Variants in RSRC1 observed in about 807,000 individuals in gnomAD.
RSRC1 encodes arginine and serine rich coiled-coil 1, also known as serine/Arginine-related protein 53.
RSRC1 carries 39 observed loss-of-function variants against 49.1 expected under a neutral mutation model. The ratio of observed to expected loss-of-function variants is 0.79; its 90% CI spans 0.61 to 1.04. The LOEUF (loss-of-function observed/expected upper bound fraction) is 1.04, where lower values mean the gene tolerates loss of function less well. RSRC1 is among the 50% of genes least tolerant of loss of function. RSRC1 has a pLI of 0.00. For synonymous variants in RSRC1, 143 were observed against 130.8 expected (o/e 1.09, Z -0.63); for missense variants, 388 against 402.4 (o/e 0.96, Z 0.31).
At chr3:158,387,351 T>C (rs906150411) in intron 6 of RSRC1, among the ~76,000 whole-genome samples, 8 of 152,194 alleles carry the variant, frequency 5.3e-5, no homozygotes, top group Admixed American at 3.9e-4. Context: ...GATCAAGCAA[T>C]TTGGGAACTT....
chr3:158,112,217 C>A (rs1275029830), intron 1 of RSRC1, among the ~76,000 whole-genome samples: 1 of 152,208 alleles, frequency 6.6e-6, no homozygotes, highest in Admixed American at 6.5e-5. Flanking sequence ...TTGCCCTTAT[C>A]AGAAAGAACT....
intron 4 of RSRC1, among the ~76,000 whole-genome samples, chr3:158,281,518 A>C (rs1286051188): frequency 6.6e-6 from 1 of 152,120 alleles, no homozygotes; most frequent in Non-Finnish European, 1.5e-5. Context: ...ATCCTTGGGG[A>C]GCTCTTACCT....
intron 5 of RSRC1, among the ~76,000 whole-genome samples, chr3:158,351,057 A>G (rs1730847481): frequency 1.3e-5 from 2 of 152,208 alleles, no homozygotes; most frequent in Non-Finnish European, 1.5e-5. Flanking sequence ...TGAAGGCAAC[A>G]TAAATCAGAC....
chr3:158,147,533 A>C (rs1314352926), intron 3 of RSRC1, among the ~76,000 whole-genome samples: 3 of 151,460 alleles, frequency 2.0e-5, no homozygotes, highest in Non-Finnish European at 4.4e-5. Flanking sequence ...TTTATTTTTC[A>C]AAAAACCTAA....
At chr3:158,380,526 C>A (rs1238084017) in intron 6 of RSRC1, among the ~76,000 whole-genome samples, 1 of 152,044 alleles carries the variant, frequency 6.6e-6, no homozygotes, top group South Asian at 2.1e-4. Flanking sequence ...TATAACAGTT[C>A]CCGGTTTACA....
intron 5 of RSRC1, among the ~76,000 whole-genome samples, chr3:158,349,235 G>T (rs1254569512): frequency 6.6e-6 from 1 of 152,064 alleles, no homozygotes; most frequent in Admixed American, 6.5e-5. Flanking sequence ...ACTAACGTCT[G>T]TTGTTTTTTT....
intron 7 of RSRC1, among the ~76,000 whole-genome samples, chr3:158,483,069 T>C (rs1251606823): frequency 6.6e-6 from 1 of 151,986 alleles, no homozygotes; most frequent in Non-Finnish European, 1.5e-5. Flanking sequence ...TTAAATGTTT[T>C]AATTATCATA....
intron 6 of RSRC1, among the ~76,000 whole-genome samples, chr3:158,405,357 A>G (rs1734108356): frequency 6.6e-6 from 1 of 152,078 alleles, no homozygotes; most frequent in Non-Finnish European, 1.5e-5. Flanking sequence ...TTCTCCCCCA[A>G]CATTGGTGCC....
chr3:158,252,298 A>T (rs1724262570), intron 4 of RSRC1, among the ~76,000 whole-genome samples: 1 of 151,636 alleles, frequency 6.6e-6, no homozygotes, highest in Non-Finnish European at 1.5e-5. Flanking sequence ...AGTAGCTGGG[A>T]CTACAGGCAC....
chr3:158,389,118 G>GGATGAT (rs1302164946), intron 6 of RSRC1, among the ~76,000 whole-genome samples: 1 of 152,148 alleles, frequency 6.6e-6, no homozygotes, highest in Non-Finnish European at 1.5e-5. Context: ...TGCCATCAAA[G>GGATGAT]GATGATGTTG....
chr3:158,245,298 G>A (rs1723829040), intron 4 of RSRC1, among the ~76,000 whole-genome samples: 1 of 152,006 alleles, frequency 6.6e-6, no homozygotes, highest in Admixed American at 6.6e-5. Flanking sequence ...TCATTTAGGA[G>A]CAGGTTGTCC....
chr3:158,275,590 A>T (rs1191552071), intron 4 of RSRC1, among the ~76,000 whole-genome samples: 1 of 152,248 alleles, frequency 6.6e-6, no homozygotes, highest in East Asian at 1.9e-4. Flanking sequence ...CTGACATATA[A>T]TTCCCTAATA....
At chr3:158,462,828 C>T (rs948943454) in intron 7 of RSRC1, among the ~76,000 whole-genome samples, 2 of 151,980 alleles carry the variant, frequency 1.3e-5, no homozygotes, top group African/African-American at 2.4e-5. Context: ...TGACCTTATA[C>T]GTAGTCTGCA....
At chr3:158,504,143 G>C (rs1739739216) in intron 7 of RSRC1, among the ~76,000 whole-genome samples, 1 of 152,182 alleles carries the variant, frequency 6.6e-6, no homozygotes, top group Non-Finnish European at 1.5e-5. Flanking sequence ...CAGACCTTCA[G>C]TTTCTCCAGT....
chr3:158,393,708 G>A (rs1733454937), intron 6 of RSRC1, among the ~76,000 whole-genome samples: 1 of 152,038 alleles, frequency 6.6e-6, no homozygotes, highest in Non-Finnish European at 1.5e-5. Context: ...GGAGCAGACA[G>A]ATTCACAGCC....
At chr3:158,512,911 C>CT (rs1560071172) in intron 7 of RSRC1, among the ~76,000 whole-genome samples, 1 of 145,564 alleles carries the variant, frequency 6.9e-6, no homozygotes, top group African/African-American at 2.6e-5. Context: ...ATTTGGCTCT[C>CT]TGTTTGTCTG....
At chr3:158,323,272 G>T (rs919379410) in intron 5 of RSRC1, among the ~76,000 whole-genome samples, 5 of 152,074 alleles carry the variant, frequency 3.3e-5, no homozygotes, top group African/African-American at 4.8e-5. Context: ...GATATTGTCT[G>T]CTTTTTTAGC....
chr3:158,335,010 C>T (rs894924745), intron 5 of RSRC1, among the ~76,000 whole-genome samples: 7 of 152,042 alleles, frequency 4.6e-5, no homozygotes, highest in African/African-American at 1.7e-4. Context: ...TCTATTTCAT[C>T]TACTTAACTT....
intron 5 of RSRC1, among the ~76,000 whole-genome samples, chr3:158,354,541 A>G (rs1296089323): frequency 6.6e-6 from 1 of 152,234 alleles, no homozygotes; most frequent in Non-Finnish European, 1.5e-5. Context: ...GTGCAAAGAA[A>G]TAACACAACT....
Sources: gnomAD v4.1 joint callset for allele counts (sites outside exome capture counted in the v4.1 genomes callset) on GRCh38, gnomAD v4.1.1 for gene constraint, MANE v1.5 for transcripts, NCBI Gene and HGNC (gene_info 2026-07-23, HGNC 2026-07-21) for gene names.